The following MON1A variants were observed in gnomAD, a reference collection of about 807,000 sequenced individuals.
The protein encoded by MON1A is MON1 vesicular trafficking associated A.
A neutral mutation model predicts 44.6 loss-of-function variants in MON1A; 29 were observed. The observed-to-expected ratio is 0.65, with a 90% CI of 0.48 to 0.89. The LOEUF is 0.89. Ranked by LOEUF, MON1A falls within the 40% of genes least tolerant of loss-of-function variation. MON1A has a pLI of 0.00. For synonymous variants in MON1A, 275 were observed against 316.4 expected (o/e 0.87, Z 1.39); for missense variants, 615 against 759.6 (o/e 0.81, Z 2.24).
intron 1 of MON1A, among the ~76,000 whole-genome samples, chr3:49,927,374 C>A (rs1559497075): frequency 6.6e-6 from 1 of 152,206 alleles, no homozygotes; most frequent in East Asian, 1.9e-4. Flanking sequence ...AATTTGATTA[C>A]ATACTCAGTT....
Position 49,910,584 on chromosome 3 carries a change from G to A in MON1A, c.914C>T (p.Thr305Ile), listed in dbSNP as rs1397235263. 1 of 1,607,208 alleles carries A rather than the reference G, an allele frequency of 6.2e-7. No individual in the cohort carries two copies. The highest frequency in any genetic ancestry group is 8.5e-7 in the Non-Finnish European group (1 of 1,176,582). ...CGCCTGCTGCAGGCTGGCGCTCACA[G>A]TGTCGCGCACGGCCGCCGCCAGGGG... ...CLPLAAAVRDTVSASLQQARA... is the reference protein window; with the variant it reads ...CLPLAAAVRDIVSASLQQARA... The change falls in exon 4 of 6, where the codon ACT (threonine) becomes ATT (isoleucine). Residue 305 changes from threonine to isoleucine, a missense_variant. Coordinates refer to ENST00000296473, the MANE Select transcript of MON1A (RefSeq NM_032355.4). The surrounding 1 kb of genome is among the most constrained non-coding windows in gnomAD (Gnocchi z 8.0).
At chr3:49,927,808 G>T (rs1490052091) in intron 1 of MON1A, among the ~76,000 whole-genome samples, 1 of 152,020 alleles carries the variant, frequency 6.6e-6, no homozygotes, top group African/African-American at 2.4e-5. Context: ...GGCTGAGGCA[G>T]GAGAATCACT....
chr3:49,918,428 T>C (rs1172168483), intron 1 of MON1A, among the ~76,000 whole-genome samples: 1 of 151,922 alleles, frequency 6.6e-6, no homozygotes, highest in East Asian at 1.9e-4. Context: ...TTTTTTTTTT[T>C]TGAGACAGAG....
At chr3:49,920,277 C>T (rs1651353084) in intron 1 of MON1A, among the ~76,000 whole-genome samples, 1 of 152,172 alleles carries the variant, frequency 6.6e-6, no homozygotes, top group Non-Finnish European at 1.5e-5. Context: ...TCTTGGCTCT[C>T]TTCTGACCTC....
At position 49,909,859 on chromosome 3, in the gene MON1A, G is replaced by A. The variant is rs1346806714; in HGVS notation, c.1379+260C>T. On this transcript the variant is annotated intron_variant, in intron 4 of 5. Coordinates refer to ENST00000296473, the MANE Select transcript of MON1A (RefSeq NM_032355.4). The surrounding 1 kb of genome is among the most constrained non-coding windows in gnomAD (Gnocchi z 4.0). ...GAGTTGCTCCAGGGCAAGGGACCCC[G>A]GAGACCTCTGTTCCAGTTTCCTTCT... The A allele has an allele frequency of 3.4e-5, 15 of 436,534 alleles. No homozygotes were observed. The highest frequency in any genetic ancestry group is 3.2e-5 in the Non-Finnish European group (8 of 247,808). 27.0% of individuals were successfully genotyped at this position (436,534 alleles called of 1,614,324 possible).
At chr3:49,913,773 G>A (rs113549417) in intron 1 of MON1A, among the ~76,000 whole-genome samples, 6 of 144,548 alleles carry the variant, frequency 4.2e-5, no homozygotes, top group African/African-American at 7.8e-5. Context: ...AGCAATACTC[G>A]TGCCTCAGCC....
At chr3:49,912,062 C>T (rs199928659) in intron 2 of MON1A, 51 bp from the exon 3 acceptor site, 1 of 1,524,706 alleles carries the variant, frequency 6.6e-7, no homozygotes, top group Non-Finnish European at 8.8e-7. Context: ...GGCAGACACT[C>T]CTACCAGCAA....
chr3:49,913,206 A>G lies in MON1A; in HGVS notation c.127+14T>C. The G allele has an allele frequency of 1.2e-6, 2 of 1,614,220 alleles. No individual in the cohort carries two copies. The highest frequency in any genetic ancestry group is 1.7e-6 in the Non-Finnish European group (2 of 1,180,040). ...CTGGTTGGCAGCTGGCTGAGGCTGT[A>G]CACTTGCCCATACCTGGCTCCATTC... On this transcript the variant is annotated intron_variant, in intron 2 of 5. Transcript: ENST00000296473.
rs1485859174 is a variant in MON1A, at chr3:49,926,804, A to AGT, written c.-14+2803_-14+2804dup. On this transcript the variant is annotated intron_variant, in intron 1 of 5. Transcript: ENST00000296473. ...GAGATTTTTTTTTTTTTTGAGATGG[A>AGT]GTCTCATTCTGTCGCCCAGGCTGGA... is the stretch of plus-strand genomic sequence containing the variant. Among the ~76,000 whole-genome samples, 14 of 146,822 alleles carry AGT rather than the reference A, an allele frequency of 9.5e-5. No individual in the cohort carries two copies. The South Asian group carries it at 1.1e-3, about 11-fold the overall frequency.
chr3:49,912,271 C>G (rs529576836), intron 2 of MON1A: 37 of 422,806 alleles, frequency 8.8e-5, no homozygotes, highest in African/African-American at 7.1e-4. Context: ...TCATTCCCAT[C>G]TCCCACCCCA....
At chr3:49,929,131 A>G (rs948693076) in intron 1 of MON1A, among the ~76,000 whole-genome samples, 2 of 152,220 alleles carry the variant, frequency 1.3e-5, no homozygotes, top group African/African-American at 4.8e-5. Flanking sequence ...CTGAGGCAGG[A>G]GAATCGCTTG....
At chr3:49,917,987 G>T (rs988558281) in intron 1 of MON1A, among the ~76,000 whole-genome samples, 1 of 151,958 alleles carries the variant, frequency 6.6e-6, no homozygotes, top group African/African-American at 2.4e-5. Context: ...GGCGGAAGTT[G>T]TGGTGAGCCG....
chr3:49,910,228 G>T lies in MON1A; in HGVS notation c.1270C>A (p.Leu424Met). 3 of 1,614,120 alleles carry T rather than the reference G, an allele frequency of 1.9e-6. No individual in the cohort carries two copies. The highest frequency in any genetic ancestry group is 2.5e-6 in the Non-Finnish European group (3 of 1,179,990). Reference sequence around the variant, plus strand: ...GTGCGCAGTGCCTCTCGCAGGGCCAGGTGGGCTCCGCGCTTGCGAAGGCGC... The same window carrying T: ...GTGCGCAGTGCCTCTCGCAGGGCCATGTGGGCTCCGCGCTTGCGAAGGCGC... ...QERLRKRGAH[L>M]ALREALRTPY... The change falls in exon 4 of 6, where the codon CTG becomes ATG. Residue 424 changes from leucine to methionine, a missense_variant. Physicochemically the swap from Leu to Met is conservative, Grantham distance 15. Transcript: ENST00000296473. The surrounding 1 kb of genome is among the most constrained non-coding windows in gnomAD (Gnocchi z 8.0).
At position 49,929,722 on chromosome 3, in the gene MON1A, G is replaced by A; in HGVS notation, c.-127C>T. On this transcript the variant is annotated 5_prime_UTR_variant, in exon 1 of 6. Coordinates refer to ENST00000296473, the MANE Select transcript of MON1A (RefSeq NM_032355.4). ...GCCGGCCTGAGGGCACAGCTTCGCG[G>A]GGCCCCGGCCCCCTGCGTACACAGA... 1 of 1,550,238 alleles carries A rather than the reference G, an allele frequency of 6.5e-7. No homozygotes were observed. Among genetic ancestry groups the A allele is most frequent in the Non-Finnish European group, 8.7e-7 (1 of 1,146,706 alleles).
rs923062305 is a variant in MON1A, at chr3:49,909,588, G to T, written c.1380-188C>A. 2.1e-5 allele frequency: 15 copies of T among 704,554 alleles called. No individual in the cohort carries two copies. Among genetic ancestry groups the T allele is most frequent in the Non-Finnish European group, 3.2e-5 (14 of 434,726 alleles). 43.6% of individuals were successfully genotyped at this position (704,554 alleles called of 1,614,324 possible). A position where few individuals can be genotyped will look rare whatever the true frequency, so the allele number is the denominator to read the frequency against. On this transcript the variant is annotated intron_variant, in intron 4 of 5. Coordinates refer to ENST00000296473, the MANE Select transcript of MON1A (RefSeq NM_032355.4). The surrounding 1 kb of genome is among the most constrained non-coding windows in gnomAD (Gnocchi z 4.0). ...CCCAGGACAGGGCTGGGCCCACTGA[G>T]ACTAGAGCTATGTCCCCTCTTACCC... is the stretch of plus-strand genomic sequence containing the variant.
In MON1A at chr3:49,911,528, G is replaced by A; in HGVS notation, c.611C>T (p.Ala204Val). ...ADKNAIRSIHADGYKVVFVRR... is the reference protein window; with the variant it reads ...ADKNAIRSIHVDGYKVVFVRR... ...CATTCCCTCTCCAGGTGGCTCACCT[G>A]CATGGATGGAGCGGATGGCGTTCTT... The change falls in exon 3 of 6, where the codon GCA becomes GTA. Residue 204 changes from alanine to valine, a missense_variant and splice_region_variant. Coordinates refer to ENST00000296473, the MANE Select transcript of MON1A (RefSeq NM_032355.4). The surrounding 1 kb of genome is among the most constrained non-coding windows in gnomAD (Gnocchi z 5.7). 1 of 1,606,822 alleles carries A rather than the reference G, an allele frequency of 6.2e-7. No individual in the cohort carries two copies. Among genetic ancestry groups the A allele is most frequent in the Non-Finnish European group, 8.5e-7 (1 of 1,175,498 alleles).
rs369297683 is a variant in MON1A at position 49,922,169 on chromosome 3, C to T, written c.-14+7440G>A. On this transcript the variant is annotated intron_variant, in intron 1 of 5. Transcript: ENST00000296473. ...AAAAAAAGAAAGAAAGAAAGACGGCCGGGAGCAGTGGCTCACGCCTATAAT... is the reference window on the plus strand; with the variant it reads ...AAAAAAAGAAAGAAAGAAAGACGGCTGGGAGCAGTGGCTCACGCCTATAAT... Among the ~76,000 whole-genome samples the T allele has an allele frequency of 6.5e-5, 9 of 139,444 alleles. No homozygotes were observed. In the South Asian group the frequency reaches 7.0e-4, roughly 11 times the overall value. The allele number at this position is 139,444 out of a possible 152,430, so 91.5% of individuals were successfully genotyped here. A position where few individuals can be genotyped will look rare whatever the true frequency, so the allele number is the denominator to read the frequency against.
At chr3:49,914,540 A>ATTTTTTTTTTTTTTTTT (rs35967703) in intron 1 of MON1A, among the ~76,000 whole-genome samples, 1 of 85,958 alleles carries the variant, frequency 1.2e-5, no homozygotes, top group African/African-American at 5.3e-5. Context: ...CGCCTGCCTA[A>ATTTTTTTTTTTTTTTTT]TTTTTTTTTT....
At chr3:49,922,390 C>T (rs546011357) in intron 1 of MON1A, among the ~76,000 whole-genome samples, 25 of 151,952 alleles carry the variant, frequency 1.6e-4, no homozygotes, top group Non-Finnish European at 3.2e-4. Flanking sequence ...GAGTTGAGAT[C>T]GCACCACCGC....
Sources: allele counts gnomAD v4.1 joint callset (sites outside exome capture counted in the v4.1 genomes callset), GRCh38; gene constraint gnomAD v4.1.1; non-coding constraint Gnocchi (gnomAD v3.1); transcripts MANE v1.5; gene names NCBI Gene and HGNC (gene_info 2026-07-23, HGNC 2026-07-21).